COL23A1: variants seen among roughly 807,000 people sequenced by gnomAD.
The protein encoded by COL23A1 is collagen alpha-1(XXIII) chain.
COL23A1 carries 97 observed loss-of-function variants against 99.3 expected under a neutral mutation model. The observed-to-expected ratio is 0.98, with a 90% CI of 0.83 to 1.16. COL23A1 has a LOEUF of 1.16. Ranked by LOEUF, COL23A1 falls within the 50% of genes most tolerant of loss-of-function variation. The pLI, the probability that COL23A1 is intolerant of heterozygous loss-of-function variation, is 0.00. For missense variants in COL23A1, 762 were observed against 757.4 expected (o/e 1.01, Z -0.07); for synonymous variants, 320 against 308.2 (o/e 1.04, Z -0.40).
In COL23A1 at chr5:178,238,401, G is replaced by T. The variant is rs1034086518; in HGVS notation, c.*297C>A. On this transcript the variant is annotated 3_prime_UTR_variant, in exon 29 of 29. Transcript: ENST00000390654. ...TCTCTCTGCTGATCAGGTGACTGAA[G>T]GCCCAACGTAGCATCTTTCTAGCCT... 17 of 454,322 alleles carry T rather than the reference G, an allele frequency of 3.7e-5. No individual in the cohort carries two copies. Among genetic ancestry groups the T allele is most frequent in the Non-Finnish European group, 6.8e-5 (17 of 250,646 alleles). The allele number at this position is 454,322 out of a possible 1,614,324, so 28.1% of individuals were successfully genotyped here.
chr5:178,527,569 G>A (rs921942393), intron 2 of COL23A1, among the ~76,000 whole-genome samples: 1 of 152,198 alleles, frequency 6.6e-6, no homozygotes, highest in African/African-American at 2.4e-5. Context: ...ACAGCACCAC[G>A]TACAAACTGT....
intron 2 of COL23A1, among the ~76,000 whole-genome samples, chr5:178,400,353 C>T (rs1407259113): frequency 6.3e-5 from 7 of 111,542 alleles, no homozygotes; most frequent in South Asian, 6.3e-4. Flanking sequence ...GGCGACAGAG[C>T]GAGACTCCGT....
intron 2 of COL23A1, among the ~76,000 whole-genome samples, chr5:178,482,286 T>C (rs1300106966): frequency 3.3e-5 from 5 of 152,146 alleles, no homozygotes; most frequent in Non-Finnish European, 7.3e-5. Context: ...AATGAAGTTC[T>C]GATACATGCT....
intron 3 of COL23A1, among the ~76,000 whole-genome samples, chr5:178,292,832 G>C (rs1369495800): frequency 6.6e-6 from 1 of 152,190 alleles, no homozygotes. Context: ...GGGGTCAGAA[G>C]CTTGGCACAC....
chr5:178,361,434 C>T (rs536138889), intron 2 of COL23A1, among the ~76,000 whole-genome samples: 8 of 152,090 alleles, frequency 5.3e-5, no homozygotes, highest in Non-Finnish European at 7.4e-5. Context: ...TGAATGTGGG[C>T]ACATGTGGCC....
intron 2 of COL23A1, among the ~76,000 whole-genome samples, chr5:178,412,692 CTCT>C (rs1053363268): frequency 3.9e-5 from 6 of 152,210 alleles, no homozygotes; most frequent in African/African-American, 1.4e-4. Context: ...TAACATTTTA[CTCT>C]TTTTTTGAAA....
intron 2 of COL23A1, among the ~76,000 whole-genome samples, chr5:178,420,727 C>T (rs969038156): frequency 1.5e-5 from 2 of 131,450 alleles, no homozygotes; most frequent in African/African-American, 5.9e-5. Context: ...CTCTGTCCTT[C>T]GGGCTACAGC....
At chr5:178,253,382 C>T (rs1386614860) in intron 16 of COL23A1, among the ~76,000 whole-genome samples, 1 of 152,084 alleles carries the variant, frequency 6.6e-6, no homozygotes, top group Non-Finnish European at 1.5e-5. Context: ...GGCCCAGGAC[C>T]TCCCTGCCTG....
rs914839374 is a variant in COL23A1 at position 178,252,304 on chromosome 5, T to C, written c.1014+240A>G. On this transcript the variant is annotated intron_variant, in intron 17 of 28. Transcript: ENST00000390654. ...AAGGACGTGATTTCATTCCTTTTTATAGCTGCATGAATTTTCAGTTTAAAT... is the reference window on the plus strand; with the variant it reads ...AAGGACGTGATTTCATTCCTTTTTACAGCTGCATGAATTTTCAGTTTAAAT... Among the ~76,000 whole-genome samples the C allele has an allele frequency of 5.3e-5, 8 of 152,236 alleles. 1 individual carries two copies. Among genetic ancestry groups the C allele is most frequent in the Admixed American group, 2.6e-4 (4 of 15,286 alleles).
At chr5:178,311,615 T>C (rs1758684346) in intron 2 of COL23A1, among the ~76,000 whole-genome samples, 1 of 151,820 alleles carries the variant, frequency 6.6e-6, no homozygotes, top group Non-Finnish European at 1.5e-5. Flanking sequence ...TGGAGTGGCG[T>C]GATCACAGTT....
At chr5:178,314,320 T>A (rs887381109) in intron 2 of COL23A1, among the ~76,000 whole-genome samples, 2 of 152,106 alleles carry the variant, frequency 1.3e-5, no homozygotes, top group African/African-American at 4.8e-5. Context: ...CCTGAAGCCA[T>A]CTGGAAAGCC....
At chr5:178,539,364 T>C (rs1761154413) in intron 2 of COL23A1, among the ~76,000 whole-genome samples, 1 of 151,986 alleles carries the variant, frequency 6.6e-6, no homozygotes, top group Non-Finnish European at 1.5e-5. Flanking sequence ...CTGGCCAACC[T>C]GGTGAAATCC....
intron 2 of COL23A1, among the ~76,000 whole-genome samples, chr5:178,538,357 T>C (rs557676383): frequency 2.6e-5 from 4 of 152,236 alleles, no homozygotes; most frequent in Admixed American, 2.6e-4. Context: ...TTTTATAAAA[T>C]ACACTAAAAT....
intron 3 of COL23A1, among the ~76,000 whole-genome samples, chr5:178,300,089 G>C (rs187379404): frequency 7.4e-6 from 1 of 135,098 alleles, no homozygotes; most frequent in Admixed American, 7.5e-5. Context: ...TTTTTGAGAC[G>C]GAGTCTCGCT....
At chr5:178,472,944 G>C (rs1475021520) in intron 2 of COL23A1, among the ~76,000 whole-genome samples, 2 of 152,148 alleles carry the variant, frequency 1.3e-5, no homozygotes, top group African/African-American at 4.8e-5. Context: ...GGACAACAGA[G>C]TGAGACTCTA....
chr5:178,441,470 GA>G (rs919016928), intron 2 of COL23A1, among the ~76,000 whole-genome samples: 2 of 152,124 alleles, frequency 1.3e-5, no homozygotes, highest in Non-Finnish European at 2.9e-5. Context: ...GAGAATTTTA[GA>G]GGGCAACTGC....
intron 17 of COL23A1, among the ~76,000 whole-genome samples, chr5:178,250,823 A>T (rs1009191872): frequency 1.3e-5 from 2 of 151,944 alleles, no homozygotes; most frequent in Admixed American, 1.3e-4. Context: ...TCTACTAAAA[A>T]TATAAAAATT....
chr5:178,277,933 C>T (rs995740582), intron 5 of COL23A1, among the ~76,000 whole-genome samples: 19 of 152,112 alleles, frequency 1.2e-4, no homozygotes, highest in Non-Finnish European at 2.4e-4. Flanking sequence ...AGGATGGGAC[C>T]GGCGGGCCGG....
At chr5:178,323,749 A>G (rs2973694) in intron 2 of COL23A1, among the ~76,000 whole-genome samples, 101,543 of 152,044 alleles carry the variant, frequency 0.67, 35,058 homozygotes, top group African/African-American at 0.83. Context: ...GGGAGCAGGG[A>G]GGTGGCTCCC....
Sources: allele counts gnomAD v4.1 joint callset (sites outside exome capture counted in the v4.1 genomes callset), GRCh38; gene constraint gnomAD v4.1.1; transcripts MANE v1.5; gene names NCBI Gene and HGNC (gene_info 2026-07-23, HGNC 2026-07-21).